The following GRIK4 variants were observed in gnomAD, a reference collection of about 807,000 sequenced individuals.
The protein encoded by GRIK4 is glutamate ionotropic receptor kainate type subunit 4.
Under a neutral mutation model 104.9 loss-of-function variants are expected in GRIK4, and 40 were observed. The ratio of observed to expected loss-of-function variants is 0.38; its 90% confidence interval spans 0.30 to 0.50. The LOEUF (loss-of-function observed/expected upper bound fraction) is 0.50, where lower values mean the gene tolerates loss of function less well. Among genes scored for constraint, GRIK4 ranks in the 20% least tolerant of loss-of-function variants. GRIK4 has a pLI of 0.93. For synonymous variants in GRIK4, 485 were observed against 524.9 expected, an observed-to-expected ratio of 0.92 and a Z score of 1.04; for missense variants, 1,047 against 1,308.1, an observed-to-expected ratio of 0.80 and a Z score of 3.08.
rs780763398 is a variant in GRIK4 at position 120,987,065 on chromosome 11, T to C, written c.*805T>C. The C allele has an allele frequency of 6.6e-6, 1 of 152,238 alleles. No individual in the cohort carries two copies. Among genetic ancestry groups the C allele is most frequent in the Non-Finnish European group, 1.5e-5 (1 of 68,048 alleles). 9.4% of individuals were successfully genotyped at this position (152,238 alleles called of 1,614,324 possible). A position where few individuals can be genotyped will look rare whatever the true frequency, so the allele number is the denominator to read the frequency against. On this transcript the variant is annotated 3_prime_UTR_variant, in exon 21 of 21. Coordinates refer to ENST00000527524, the MANE Select transcript of GRIK4 (RefSeq NM_014619.5). ...TACTCAGACCTTGAAACGCCTGGAA[T>C]GTCAAGGGTTAATCTGTCTTTTCTT... is the stretch of plus-strand genomic sequence containing the variant.
intron 1 of GRIK4, among the ~76,000 whole-genome samples, chr11:120,618,875 G>A (rs181967482): frequency 3.9e-4 from 59 of 152,338 alleles, no homozygotes; most frequent in African/African-American, 1.4e-3. Context: ...CTTGCTGCAG[G>A]GTTGGAGCCC....
At chr11:120,619,278 C>G (rs565891740) in intron 1 of GRIK4, among the ~76,000 whole-genome samples, 2 of 152,268 alleles carry the variant, frequency 1.3e-5, no homozygotes, top group Admixed American at 6.5e-5. Context: ...TTATTTCTCC[C>G]TTTTGGAATG....
At chr11:120,708,857 C>A (rs113114808) in intron 3 of GRIK4, among the ~76,000 whole-genome samples, 155 of 152,272 alleles carry the variant, frequency 1.0e-3, no homozygotes, top group Non-Finnish European at 1.4e-3. Context: ...CCTCTTACCC[C>A]CTCCCGTGCT....
chr11:120,553,555 G>GA (rs1948159358), intron 1 of GRIK4, among the ~76,000 whole-genome samples: 1 of 152,212 alleles, frequency 6.6e-6, no homozygotes, highest in Admixed American at 6.5e-5. Context: ...CCTGGGCCTG[G>GA]AAAAATGAGA....
chr11:120,797,354 G>A (rs1348036787), intron 3 of GRIK4, among the ~76,000 whole-genome samples: 1 of 152,170 alleles, frequency 6.6e-6, no homozygotes, highest in African/African-American at 2.4e-5. Flanking sequence ...GCCCAGCCAG[G>A]CAGCCAGGCC....
intron 3 of GRIK4, among the ~76,000 whole-genome samples, chr11:120,723,183 T>A (rs943397374): frequency 3.9e-4 from 60 of 152,370 alleles, no homozygotes; most frequent in African/African-American, 1.3e-3. Context: ...TGAAATTCAT[T>A]CTTTAGCAGA....
chr11:120,625,744 G>A (rs567679260), intron 1 of GRIK4, among the ~76,000 whole-genome samples: 24 of 152,062 alleles, frequency 1.6e-4, no homozygotes, highest in Admixed American at 5.2e-4. Context: ...CACGTGTTTG[G>A]GGGGAGGGTG....
chr11:120,915,487 C>T (rs983226506), intron 13 of GRIK4, among the ~76,000 whole-genome samples: 2 of 152,228 alleles, frequency 1.3e-5, no homozygotes, highest in African/African-American at 2.4e-5. Context: ...GCCTCCCTCT[C>T]CTCCATTCAG....
intron 3 of GRIK4, among the ~76,000 whole-genome samples, chr11:120,722,191 G>A (rs1950944636): frequency 6.6e-6 from 1 of 152,198 alleles, no homozygotes; most frequent in African/African-American, 2.4e-5. Flanking sequence ...TTCAGCAATA[G>A]CAACTTTAAT....
chr11:120,678,618 G>T (rs1428686523), intron 3 of GRIK4, among the ~76,000 whole-genome samples: 1 of 115,526 alleles, frequency 8.7e-6, no homozygotes, highest in Non-Finnish European at 2.0e-5. Flanking sequence ...TCCACTAGAA[G>T]GGTTTTTTTT....
chr11:120,771,189 CT>C (rs1439035259), intron 3 of GRIK4, among the ~76,000 whole-genome samples: 1 of 152,122 alleles, frequency 6.6e-6, no homozygotes, highest in Non-Finnish European at 1.5e-5. Flanking sequence ...ACAGAGAAAA[CT>C]TCAGTCTTTG....
chr11:120,658,401 A>G (rs1255228782), intron 2 of GRIK4, among the ~76,000 whole-genome samples: 2 of 152,118 alleles, frequency 1.3e-5, no homozygotes, highest in East Asian at 3.9e-4. Context: ...ATAAATACCT[A>G]GGAATAGAGT....
At chr11:120,600,128 G>T (rs997329214) in intron 1 of GRIK4, among the ~76,000 whole-genome samples, 2 of 152,202 alleles carry the variant, frequency 1.3e-5, no homozygotes, top group African/African-American at 4.8e-5. Context: ...ATTCAGGTGT[G>T]TTTGGGGAAA....
At chr11:120,520,825 A>C (rs1419016107) in intron 1 of GRIK4, among the ~76,000 whole-genome samples, 1 of 152,208 alleles carries the variant, frequency 6.6e-6, no homozygotes, top group East Asian at 1.9e-4. Flanking sequence ...TGCTCCTGAC[A>C]GCATCTCCCC....
intron 14 of GRIK4, among the ~76,000 whole-genome samples, chr11:120,951,841 A>G (rs1301561134): frequency 6.6e-6 from 1 of 152,208 alleles, no homozygotes; most frequent in Non-Finnish European, 1.5e-5. Context: ...CTAGATTTGT[A>G]TGTGAAGTTA....
intron 9 of GRIK4, among the ~76,000 whole-genome samples, chr11:120,863,344 G>C (rs1053539560): frequency 1.3e-5 from 2 of 152,226 alleles, no homozygotes; most frequent in East Asian, 3.8e-4. Context: ...ATACCGTACA[G>C]GTTTGTAGCC....
chr11:120,771,578 T>C (rs908638925), intron 3 of GRIK4, among the ~76,000 whole-genome samples: 35 of 152,234 alleles, frequency 2.3e-4, no homozygotes, highest in Non-Finnish European at 4.9e-4. Flanking sequence ...CCAGTCTATC[T>C]GTATTGTAAA....
At chr11:120,879,392 G>A (rs149094544) in intron 11 of GRIK4, among the ~76,000 whole-genome samples, 1 of 152,302 alleles carries the variant, frequency 6.6e-6, no homozygotes, top group East Asian at 1.9e-4. Context: ...GTCTGGATGA[G>A]TGACTATTTA....
chr11:120,602,179 C>T (rs1948897490), intron 1 of GRIK4, among the ~76,000 whole-genome samples: 1 of 152,146 alleles, frequency 6.6e-6, no homozygotes. Context: ...GTAGATTGCC[C>T]CCTCTTTCTT....
Sources: gnomAD v4.1 joint callset for allele counts (sites outside exome capture counted in the v4.1 genomes callset) on GRCh38, gnomAD v4.1.1 for gene constraint, MANE v1.5 for transcripts, NCBI Gene and HGNC (gene_info 2026-07-23, HGNC 2026-07-21) for gene names.